ST7: variants seen among roughly 807,000 people sequenced by gnomAD.
The protein encoded by ST7 is suppressor of tumorigenicity 7 protein.
In ST7, 28 loss-of-function variants were observed where a neutral mutation model predicts 78.7. The observed-to-expected ratio is 0.36, with a 90% confidence interval of 0.26 to 0.49. ST7 has a LOEUF of 0.49. Among genes scored for constraint, ST7 ranks in the 20% least tolerant of loss-of-function variants. ST7 has a pLI of 0.99. For synonymous variants in ST7, 247 were observed against 249.6 expected (o/e 0.99, Z 0.10); for missense variants, 418 against 696.0 (o/e 0.60, Z 4.49).
chr7:117,160,598 G>A (rs1005041956), intron 9 of ST7, among the ~76,000 whole-genome samples: 1 of 151,566 alleles, frequency 6.6e-6, no homozygotes, highest in African/African-American at 2.4e-5. Context: ...TCACAAATAT[G>A]AGTTTGTGCA....
At chr7:117,031,872 A>ATC (rs1298236605) in intron 1 of ST7, among the ~76,000 whole-genome samples, 2 of 138,400 alleles carry the variant, frequency 1.4e-5, no homozygotes, top group African/African-American at 5.6e-5. Context: ...CTATCTATCT[A>ATC]TATATATATA....
chr7:116,988,302 G>A (rs1794272810), intron 1 of ST7, among the ~76,000 whole-genome samples: 1 of 152,162 alleles, frequency 6.6e-6, no homozygotes, highest in South Asian at 2.1e-4. Context: ...AGAAAATTAG[G>A]TTTTGAGTTT....
intron 10 of ST7, among the ~76,000 whole-genome samples, chr7:117,177,102 T>C (rs1302636963): frequency 1.3e-5 from 2 of 152,186 alleles, no homozygotes; most frequent in South Asian, 2.1e-4. Flanking sequence ...CACAAGTCAC[T>C]GAGAAATGGT....
intron 1 of ST7, among the ~76,000 whole-genome samples, chr7:117,096,058 A>C (rs2116744673): frequency 8.4e-6 from 1 of 118,992 alleles, no homozygotes; most frequent in South Asian, 3.2e-4. Context: ...ACAGAGCGAG[A>C]TTCTGCCTCA....
chr7:117,192,361 C>T (rs1258111341), intron 12 of ST7, among the ~76,000 whole-genome samples: 1 of 152,096 alleles, frequency 6.6e-6, no homozygotes, highest in African/African-American at 2.4e-5. Context: ...ACTTGTGTTC[C>T]ACTTGTGATT....
chr7:117,167,225 C>A (rs171553), intron 9 of ST7, among the ~76,000 whole-genome samples: 3 of 133,252 alleles, frequency 2.3e-5, no homozygotes, highest in East Asian at 4.9e-4. Context: ...TCCCCCCTCC[C>A]CCCACCCCAC....
At chr7:117,050,086 G>A (rs1048845569) in intron 1 of ST7, among the ~76,000 whole-genome samples, 1 of 151,550 alleles carries the variant, frequency 6.6e-6, no homozygotes, top group Admixed American at 6.6e-5. Flanking sequence ...GTGTTGGCAG[G>A]CACCTGTAGT....
chr7:116,955,616 A>G (rs1255986997), intron 1 of ST7, among the ~76,000 whole-genome samples: 1 of 152,168 alleles, frequency 6.6e-6, no homozygotes, highest in Non-Finnish European at 1.5e-5. Flanking sequence ...TCCTTATTAC[A>G]CACTTAAAAT....
At chr7:117,182,805 A>T (rs542479161) in intron 10 of ST7, 4 of 152,216 alleles carry the variant, frequency 2.6e-5, no homozygotes, top group Non-Finnish European at 4.4e-5. Flanking sequence ...TTGAAATCAC[A>T]TGTGGCCAGG....
At chr7:117,070,728 A>G (rs1383241658) in intron 1 of ST7, among the ~76,000 whole-genome samples, 1 of 151,692 alleles carries the variant, frequency 6.6e-6, no homozygotes, top group Non-Finnish European at 1.5e-5. Context: ...TATTTTTAGT[A>G]GAGACGGGGT....
chr7:117,162,106 G>T (rs1249742834), intron 9 of ST7, among the ~76,000 whole-genome samples: 1 of 152,052 alleles, frequency 6.6e-6, no homozygotes, highest in Non-Finnish European at 1.5e-5. Context: ...GACTACTGGG[G>T]TTCTAAGTAT....
At chr7:117,080,564 A>G (rs962677908) in intron 1 of ST7, among the ~76,000 whole-genome samples, 2 of 152,096 alleles carry the variant, frequency 1.3e-5, no homozygotes, top group Non-Finnish European at 2.9e-5. Context: ...TTACATGCCT[A>G]TTATTATCTC....
intron 1 of ST7, among the ~76,000 whole-genome samples, chr7:117,015,257 A>G (rs942922743): frequency 6.6e-6 from 1 of 152,176 alleles, no homozygotes; most frequent in African/African-American, 2.4e-5. Flanking sequence ...TCATACTTAA[A>G]TGGACTTAAA....
chr7:117,094,773 A>G (rs1816093304), intron 1 of ST7, among the ~76,000 whole-genome samples: 1 of 152,172 alleles, frequency 6.6e-6, no homozygotes, highest in Admixed American at 6.5e-5. Flanking sequence ...TTTCCTAGGC[A>G]TAATGCTTTT....
chr7:117,230,089 T>C lies in ST7; in HGVS notation c.*232T>C. The C allele has an allele frequency of 1.4e-6, 1 of 693,314 alleles. No individual in the cohort carries two copies. Among genetic ancestry groups the C allele is most frequent in the Non-Finnish European group, 2.7e-6 (1 of 372,682 alleles). 42.9% of individuals were successfully genotyped at this position (693,314 alleles called of 1,614,324 possible). ...AGAAGAAAGTCAAAAATAAAACTTT[T>C]GTGTATTACAGCAATCATTTGTATC... On this transcript the variant is annotated 3_prime_UTR_variant, in exon 16 of 16. Transcript: ENST00000323984.
At chr7:117,055,348 G>T (rs1798007560) in intron 1 of ST7, among the ~76,000 whole-genome samples, 1 of 152,008 alleles carries the variant, frequency 6.6e-6, no homozygotes, top group Admixed American at 6.6e-5. Flanking sequence ...GATTACAGGT[G>T]TATGACACCA....
intron 1 of ST7, among the ~76,000 whole-genome samples, chr7:117,026,887 A>G (rs1355983878): frequency 6.6e-6 from 1 of 152,206 alleles, no homozygotes; most frequent in Admixed American, 6.5e-5. Context: ...TATGATGGGA[A>G]TATTTTAAGG....
chr7:117,189,302 C>T lies in ST7; in HGVS notation c.1079-19C>T, dbSNP rs1395191841. The T allele has an allele frequency of 6.3e-7, 1 of 1,589,868 alleles. No individual in the cohort carries two copies. The highest frequency in any genetic ancestry group is 1.3e-5 in the African/African-American group (1 of 74,460). On this transcript the variant is annotated intron_variant, in intron 10 of 15. Coordinates refer to ENST00000323984, the MANE Select transcript of ST7 (RefSeq NM_001369598.1). ...TTACCTGCAAACTTATGTGTTCCTA[C>T]TTTCTTTTTCTCCAACAGATATAAG...
intron 11 of ST7, among the ~76,000 whole-genome samples, chr7:117,189,932 G>A (rs1014659318): frequency 6.6e-6 from 1 of 152,162 alleles, no homozygotes; most frequent in African/African-American, 2.4e-5. Flanking sequence ...AGCATCCAAG[G>A]ATGCCTGTCA....
Sources: gnomAD v4.1 joint callset for allele counts (sites outside exome capture counted in the v4.1 genomes callset) on GRCh38, gnomAD v4.1.1 for gene constraint, MANE v1.5 for transcripts, NCBI Gene and HGNC (gene_info 2026-07-23, HGNC 2026-07-21) for gene names.